The following FER1L5 variants were observed in gnomAD, a reference collection of about 807,000 sequenced individuals.
The protein encoded by FER1L5 is fer-1-like protein 5.
Under a neutral mutation model 279.9 loss-of-function variants are expected in FER1L5, and 187 were observed. The observed-to-expected ratio is 0.67, with a 90% CI of 0.59 to 0.75. The LOEUF (loss-of-function observed/expected upper bound fraction) is 0.75. Ranked by LOEUF, FER1L5 falls within the 30% of genes least tolerant of loss-of-function variation. The pLI, the probability that FER1L5 is intolerant of heterozygous loss-of-function variation, is 0.00. For missense variants in FER1L5, 2,091 were observed against 2,594.4 expected (o/e 0.81, Z 4.21); for synonymous variants, 921 against 989.7 (o/e 0.93, Z 1.30).
At position 96,686,311 on chromosome 2, in the gene FER1L5, C is replaced by T. The variant is rs763491583; in HGVS notation, c.2190C>T (p.Ser730=). 9.7e-6 allele frequency: 15 copies of T among 1,551,404 alleles called. No individual in the cohort carries two copies. In the African/African-American group the frequency reaches 1.1e-4, roughly 11 times the overall value. ...TCTCCCCGGCAGGGGCTCTGCACTC[C>T]GGCAGGCTCTGTGGGAAGATACAGA... ...VLFSPAGALH[S]GRLCGKIQTL... The change falls in exon 23 of 53, where the codon TCC becomes TCT. Residue 730 remains serine, a synonymous_variant. Coordinates refer to ENST00000624922, the MANE Select transcript of FER1L5 (RefSeq NM_001293083.2).
At chr2:96,656,761 T>A (rs1322481011) in intron 9 of FER1L5, among the ~76,000 whole-genome samples, 2 of 151,966 alleles carry the variant, frequency 1.3e-5, no homozygotes, top group African/African-American at 2.4e-5. Flanking sequence ...TTTTTTTTTT[T>A]TTTAATTTGC....
intron 9 of FER1L5, 106 bp downstream of exon 9, chr2:96,654,602 A>G (rs1354385146): frequency 2.5e-6 from 1 of 393,594 alleles, no homozygotes; most frequent in African/African-American, 2.1e-5. Context: ...ATTTTCACAC[A>G]GAAAGATCCA....
intron 7 of FER1L5, chr2:96,653,234 G>A (rs950714074): frequency 5.0e-5 from 11 of 221,950 alleles, no homozygotes; most frequent in East Asian, 3.4e-4. Flanking sequence ...CTAGGAGCCC[G>A]GGAGGCCTCT....
At position 96,690,537 on chromosome 2, in the gene FER1L5, G is replaced by A; in HGVS notation, c.2691G>A (p.Trp897Ter). The A allele has an allele frequency of 6.4e-7, 1 of 1,551,706 alleles. No individual in the cohort carries two copies. Among genetic ancestry groups the A allele is most frequent in the South Asian group, 1.2e-5 (1 of 84,066 alleles). ...ARENVKCPQGWHFKKDWVVEL... is the reference protein window; with the variant it reads ...ARENVKCPQG ...AGAACGTGAAGTGCCCCCAAGGCTG[G>A]CACTTTAAGAAGGACTGGGTGGTGG... Residue 897 changes from tryptophan (W) to a stop codon, truncating the protein, a stop_gained, in exon 27 of 53, where the codon TGG becomes TGA. Coordinates refer to ENST00000624922, the MANE Select transcript of FER1L5 (RefSeq NM_001293083.2). LOFTEE classifies it high-confidence loss of function.
At chr2:96,670,046 AG>A (rs2076266671) in intron 17 of FER1L5, 72 bp from the exon 18 acceptor site, 1 of 1,538,254 alleles carries the variant, frequency 6.5e-7, no homozygotes, top group African/African-American at 1.4e-5. Flanking sequence ...TCTTTGCCTC[AG>A]GGGTTTCAAA....
rs746056194 is a variant in FER1L5, at chr2:96,703,199, C to T, written c.5544C>T (p.His1848=). ...CTGACATGCCCCTCCCGGCTCGGCA[C>T]GCCAAGCAGTGCTCCATCAGGATGA... The part of the protein sequence containing the change: ...DLSDMPLPAR[H]AKQCSIRMMD... Residue 1848 remains histidine (H), a synonymous_variant, in exon 50 of 53, where the codon CAC becomes CAT. Transcript: ENST00000624922. The T allele has an allele frequency of 4.3e-6, 7 of 1,613,462 alleles. No homozygotes were observed. Among genetic ancestry groups the T allele is most frequent in the Middle Eastern group, 1.6e-4 (1 of 6,076 alleles).
Position 96,689,789 on chromosome 2 carries a change from G to C in FER1L5, c.2640+31G>C. On this transcript the variant is annotated intron_variant, in intron 26 of 52. Transcript: ENST00000624922. The surrounding 1 kb of genome is among the most constrained non-coding windows in gnomAD (Gnocchi z 4.6). Reference sequence around the variant, plus strand: ...CAGGGCCGAAGCTGCCTCGGGTTAGGGGGCAAGCAAGGCCACCAGGCGGGG... The same window carrying C: ...CAGGGCCGAAGCTGCCTCGGGTTAGCGGGCAAGCAAGGCCACCAGGCGGGG... 6.6e-7 allele frequency: 1 copy of C among 1,512,376 alleles called. No individual in the cohort carries two copies. Among genetic ancestry groups the C allele is most frequent in the Non-Finnish European group, 8.9e-7 (1 of 1,127,166 alleles). The allele number at this position is 1,512,376 out of a possible 1,614,324, so 93.7% of individuals were successfully genotyped here.
At chr2:96,696,260 A>T (rs2077374908) in intron 37 of FER1L5, among the ~76,000 whole-genome samples, 183 bp downstream of exon 37, 1 of 151,868 alleles carries the variant, frequency 6.6e-6, no homozygotes, top group African/African-American at 2.4e-5. Context: ...GCATGTTAGA[A>T]TCATCTGAGA....
chr2:96,650,415 C>T, intron 6 of FER1L5, 126 bp downstream of exon 6: 1 of 753,714 alleles, frequency 1.3e-6, no homozygotes, highest in South Asian at 1.8e-5. Flanking sequence ...CAGCTTCTGG[C>T]CCTCAGATCC....
At position 96,659,338 on chromosome 2, in the gene FER1L5, C is replaced by T. The variant is rs368307232; in HGVS notation, c.748-1003C>T. On this transcript the variant is annotated intron_variant, in intron 9 of 52. Coordinates refer to ENST00000624922, the MANE Select transcript of FER1L5 (RefSeq NM_001293083.2). Reference sequence around the variant, plus strand: ...CCTTCCTTCCTTCCTTCCTTCCTTCCTTCCTTCCTTCCTTCCTTCCTTCCT... The same window carrying T: ...CCTTCCTTCCTTCCTTCCTTCCTTCTTTCCTTCCTTCCTTCCTTCCTTCCT... Among the ~76,000 whole-genome samples, 195 of 81,242 alleles carry T rather than the reference C, an allele frequency of 2.4e-3. 5 individuals are homozygous for T. The highest frequency in any genetic ancestry group is 0.012 in the East Asian group (29 of 2,396). 53.3% of individuals were successfully genotyped at this position (81,242 alleles called of 152,430 possible).
At chr2:96,697,481 A>C in intron 37 of FER1L5, 45 bp from the exon 38 acceptor site, 1 of 1,599,880 alleles carries the variant, frequency 6.3e-7, no homozygotes, top group Non-Finnish European at 8.5e-7. Flanking sequence ...GTCAGAGCCC[A>C]TGAGTGAGCT....
rs2076992140 is a variant in FER1L5, at chr2:96,687,924, G to A, written c.2338G>A (p.Asp780Asn). Residue 780 changes from aspartate to asparagine, a missense_variant, in exon 24 of 53, where the codon GAC becomes AAC. Coordinates refer to ENST00000624922, the MANE Select transcript of FER1L5 (RefSeq NM_001293083.2). ...SKDLQLLRQG[D>N]TAVYAEMYEN... is the part of the protein sequence containing the mutation. ...GGACCTGCAGCTGCTCCGCCAGGGTGACACAGCGGTGTACGCCGAGATGGT... is the reference window on the plus strand; with the variant it reads ...GGACCTGCAGCTGCTCCGCCAGGGTAACACAGCGGTGTACGCCGAGATGGT... 6.4e-7 allele frequency: 1 copy of A among 1,551,082 alleles called. No homozygotes were observed. The highest frequency in any genetic ancestry group is 8.7e-7 in the Non-Finnish European group (1 of 1,146,980).
chr2:96,657,963 T>C (rs561822231), intron 9 of FER1L5, among the ~76,000 whole-genome samples: 2 of 152,292 alleles, frequency 1.3e-5, no homozygotes, highest in South Asian at 2.1e-4. Flanking sequence ...TGGGAAAATA[T>C]GTAGAAGCAG....
At chr2:96,659,288 GCTTTCCTTCCTTCCTT>G (rs1182672813) in intron 9 of FER1L5, among the ~76,000 whole-genome samples, 31 of 100,088 alleles carry the variant, frequency 3.1e-4, no homozygotes, top group African/African-American at 1.3e-3. Context: ...AATTTATCAA[GCTTTCCTTCCTTCCTT>G]CCTTCCTTCC....
At position 96,699,988 on chromosome 2, in the gene FER1L5, A is replaced by T; in HGVS notation, c.4838A>T (p.Tyr1613Phe). ...CCCCCAAGCTACCTCCTAGAACGCT[A>T]TGCCAAGCGGAAAGGGCTACCTCCG... ...QMPPSYLLER[Y>F]AKRKGLPPPL... The change falls in exon 44 of 53, where the codon TAT becomes TTT. Residue 1613 changes from tyrosine (Y) to phenylalanine (F), a missense_variant. By Grantham distance (22) the Tyr-to-Phe change is conservative. Coordinates refer to ENST00000624922, the MANE Select transcript of FER1L5 (RefSeq NM_001293083.2). 1 of 1,614,022 alleles carries T rather than the reference A, an allele frequency of 6.2e-7. No homozygotes were observed. Among genetic ancestry groups the T allele is most frequent in the African/African-American group, 1.3e-5 (1 of 75,066 alleles).
At chr2:96,688,019 G>C (rs2076997592) in intron 24 of FER1L5, 72 bp downstream of exon 24, 8 of 1,529,258 alleles carry the variant, frequency 5.2e-6, no homozygotes, top group Non-Finnish European at 7.1e-6. Context: ...TCGTAGGGAA[G>C]AGATGGCCTC....
chr2:96,654,333 AAGCATTCAATACGTCAGG>A (rs2075505990), intron 8 of FER1L5, 95 bp from the exon 9 acceptor site: 1 of 394,916 alleles, frequency 2.5e-6, no homozygotes. Context: ...CCCCATTAGG[AAGCATTCAATACGTCAGG>A]AGGATCCTGG....
At chr2:96,643,498 T>C (rs2074972848) in intron 1 of FER1L5, among the ~76,000 whole-genome samples, 1 of 152,026 alleles carries the variant, frequency 6.6e-6, no homozygotes, top group South Asian at 2.1e-4. Flanking sequence ...TACAGGCACA[T>C]GCCACCACAC....
At chr2:96,687,252 C>G (rs1336805870) in intron 23 of FER1L5, among the ~76,000 whole-genome samples, 1 of 152,240 alleles carries the variant, frequency 6.6e-6, no homozygotes, top group Non-Finnish European at 1.5e-5. Flanking sequence ...AGTAAGGACA[C>G]TCTGGGCTTT....
Sources: gnomAD v4.1 joint callset for allele counts (sites outside exome capture counted in the v4.1 genomes callset) on GRCh38, gnomAD v4.1.1 for gene constraint, Gnocchi (gnomAD v3.1) non-coding constraint, MANE v1.5 for transcripts, NCBI Gene and HGNC (gene_info 2026-07-23, HGNC 2026-07-21) for gene names.